Variants in ATP10A observed in about 807,000 individuals in gnomAD.
ATP10A encodes the protein phospholipid-transporting ATPase VA.
Under a neutral mutation model 147.8 loss-of-function variants are expected in ATP10A, and 111 were observed. The observed-to-expected ratio is 0.75, with a 90% confidence interval of 0.64 to 0.88. The LOEUF (loss-of-function observed/expected upper bound fraction) is 0.88. Ranked by LOEUF, ATP10A falls within the 40% of genes least tolerant of loss-of-function variation. The probability of loss-of-function intolerance (pLI) is 0.00; values close to 1 mark genes in which losing one functional copy is unlikely to be tolerated. For missense variants in ATP10A, 1,927 were observed against 1,959.0 expected, an observed-to-expected ratio of 0.98 and a Z score of 0.31; for synonymous variants, 875 against 841.6, an observed-to-expected ratio of 1.04 and a Z score of -0.69.
At chr15:25,681,380 A>G (rs1361501570) in intron 17 of ATP10A, among the ~76,000 whole-genome samples, 1 of 152,216 alleles carries the variant, frequency 6.6e-6, no homozygotes, top group African/African-American at 2.4e-5. Context: ...GAGCATCTCA[A>G]AACGATCATG....
chr15:25,721,667 A>G lies in ATP10A; in HGVS notation c.1353T>C (p.His451=), dbSNP rs758003589. 15 of 1,612,388 alleles carry G rather than the reference A, an allele frequency of 9.3e-6. No homozygotes were observed. The Middle Eastern group carries it at 1.2e-3, about 124-fold the overall frequency. Residue 451 remains histidine, a synonymous_variant, in exon 7 of 21, where the codon CAT becomes CAC. Transcript: ENST00000555815. The part of the protein sequence containing the change: ...RCTVSGVEYS[H]DANAQRLARY... ...CACCCCCAGACTCACCATTTGCATC[A>G]TGAGAATATTCTACACCAGACACAG...
chr15:25,714,362 G>GGAAGC, intron 9 of ATP10A, 121 bp from the exon 10 acceptor site: 1 of 844,090 alleles, frequency 1.2e-6, no homozygotes, highest in Non-Finnish European at 1.8e-6. Context: ...TCCCCACTGG[G>GGAAGC]GTCTCAGAGC....
intron 1 of ATP10A, among the ~76,000 whole-genome samples, chr15:25,844,146 T>C (rs546936409): frequency 1.3e-5 from 2 of 152,340 alleles, no homozygotes; most frequent in South Asian, 4.1e-4. Context: ...ACCTCTGTCA[T>C]ACACTTTGCT....
rs148020857 is a variant in ATP10A, at chr15:25,691,140, A to G, written c.3165+575T>C. 2.4e-4 allele frequency among the ~76,000 whole-genome samples: 37 copies of G among 152,346 alleles called. No homozygotes were observed. In the East Asian group the frequency reaches 6.6e-3, roughly 27 times the overall value. On this transcript the variant is annotated intron_variant, in intron 15 of 20. Coordinates refer to ENST00000555815, the MANE Select transcript of ATP10A (RefSeq NM_024490.4). ...TCTCCACCAACCCAAAAATGTTGTG[A>G]TTCATACTTAATCAAATGTTGGAAA...
chr15:25,722,703 A>G (rs1201199467), intron 6 of ATP10A, among the ~76,000 whole-genome samples: 2 of 152,202 alleles, frequency 1.3e-5, no homozygotes, highest in African/African-American at 4.8e-5. Flanking sequence ...GTTAAATAAG[A>G]CTGTTTCCTG....
intron 1 of ATP10A, among the ~76,000 whole-genome samples, chr15:25,825,115 G>T (rs1055610986): frequency 1.6e-4 from 24 of 152,328 alleles, no homozygotes; most frequent in South Asian, 4.1e-4. Flanking sequence ...ACTATCATTA[G>T]TTGACCAGGC....
At chr15:25,691,669 TCA>T (rs1900043236) in intron 15 of ATP10A, 44 bp downstream of exon 15, 2 of 1,595,466 alleles carry the variant, frequency 1.3e-6, no homozygotes, top group Non-Finnish European at 1.7e-6. Flanking sequence ...GGACAAGAGG[TCA>T]GTAGGGCCAA....
chr15:25,772,765 C>T lies in ATP10A; in HGVS notation c.654+8254G>A, dbSNP rs1230767500. ...GGCATGCACCCAATCCCCCACTCTC[C>T]GGAACCCCAGGGAAGACAGCGTGGC... On this transcript the variant is annotated intron_variant, in intron 2 of 20. Coordinates refer to ENST00000555815, the MANE Select transcript of ATP10A (RefSeq NM_024490.4). 3.3e-5 allele frequency among the ~76,000 whole-genome samples: 5 copies of T among 152,274 alleles called. No homozygotes were observed. In the South Asian group the frequency reaches 6.2e-4, roughly 19 times the overall value.
chr15:25,749,345 A>G lies in ATP10A; in HGVS notation c.655-13204T>C, dbSNP rs375617965. 3.0e-4 allele frequency among the ~76,000 whole-genome samples: 45 copies of G among 152,322 alleles called. No individual in the cohort carries two copies. In the East Asian group the frequency reaches 6.2e-3, roughly 21 times the overall value. ...TTAAAGATGGTGCAAATAAGAGAGAAATAGAGGGAACTGTGTTCTGTGTTA... is the reference window on the plus strand; with the variant it reads ...TTAAAGATGGTGCAAATAAGAGAGAGATAGAGGGAACTGTGTTCTGTGTTA... On this transcript the variant is annotated intron_variant, in intron 2 of 20. Transcript: ENST00000555815.
At chr15:25,736,663 C>T (rs1164212329) in intron 2 of ATP10A, among the ~76,000 whole-genome samples, 7 of 151,940 alleles carry the variant, frequency 4.6e-5, no homozygotes, top group African/African-American at 1.7e-4. Context: ...AAAAAAAAAC[C>T]CTGACAACTC....
At chr15:25,777,774 C>T (rs1158807850) in intron 2 of ATP10A, among the ~76,000 whole-genome samples, 6 of 66,594 alleles carry the variant, frequency 9.0e-5, no homozygotes, top group East Asian at 7.4e-4. Context: ...AATTTTTTTT[C>T]TTTCTTTCTT....
rs1427773925 is a variant in ATP10A, at chr15:25,730,017, GCGGTGGCTCA to G, written c.741-2761_741-2752del. Among the ~76,000 whole-genome samples the G allele has an allele frequency of 4.6e-5, 7 of 152,080 alleles. No individual in the cohort carries two copies. The South Asian group carries it at 1.2e-3, about 27-fold the overall frequency. ...AGAAAAGACAGGGAGTAGGCTGGGC[GCGGTGGCTCA>G]CACCTGTAATCCCAGCACTTTGGGA... is the stretch of plus-strand genomic sequence containing the variant. On this transcript the variant is annotated intron_variant, in intron 3 of 20. Coordinates refer to ENST00000555815, the MANE Select transcript of ATP10A (RefSeq NM_024490.4).
At chr15:25,683,562 C>T in intron 16 of ATP10A, 76 bp from the exon 17 acceptor site, 1 of 1,367,428 alleles carries the variant, frequency 7.3e-7, no homozygotes, top group South Asian at 1.3e-5. Flanking sequence ...AGGGAGCTGA[C>T]AGGCCTGCAG....
intron 1 of ATP10A, among the ~76,000 whole-genome samples, chr15:25,809,276 G>A (rs1891328496): frequency 6.6e-6 from 1 of 152,128 alleles, no homozygotes; most frequent in Non-Finnish European, 1.5e-5. Context: ...ATGGGAGAGA[G>A]GAGCATACGT....
chr15:25,679,618 C>G lies in ATP10A; in HGVS notation c.4223G>C (p.Gly1408Ala). 6.2e-7 allele frequency: 1 copy of G among 1,612,236 alleles called. No homozygotes were observed. Among genetic ancestry groups the G allele is most frequent in the Non-Finnish European group, 8.5e-7 (1 of 1,179,102 alleles). ...TCTCACCTTGGACTCCTCAGGACAC[C>G]CTCCTGGACTCCTCAGGACAGCCTC... ...PGEAVLRSPGGCPEESKVRAA... is the reference protein window; with the variant it reads ...PGEAVLRSPGACPEESKVRAA... Residue 1408 changes from glycine to alanine, a missense_variant, in exon 21 of 21, where the codon GGG (glycine) becomes GCG (alanine). Transcript: ENST00000555815.
intron 1 of ATP10A, among the ~76,000 whole-genome samples, chr15:25,800,519 C>T (rs577698112): frequency 3.9e-5 from 6 of 152,322 alleles, no homozygotes; most frequent in South Asian, 4.1e-4. Flanking sequence ...GAGCTGACCA[C>T]GCTCCTTCAC....
chr15:25,765,177 C>T (rs918137288), intron 2 of ATP10A, among the ~76,000 whole-genome samples: 10 of 152,006 alleles, frequency 6.6e-5, no homozygotes, highest in African/African-American at 1.7e-4. Context: ...GGGGGCGGGG[C>T]GGGGGTGTTG....
At chr15:25,791,138 T>C (rs1890405371) in intron 1 of ATP10A, among the ~76,000 whole-genome samples, 1 of 150,520 alleles carries the variant, frequency 6.6e-6, no homozygotes, top group Admixed American at 6.7e-5. Context: ...TGGAGTGCAG[T>C]GGCACGATCT....
chr15:25,744,065 A>G (rs1887709065), intron 2 of ATP10A, among the ~76,000 whole-genome samples: 1 of 152,166 alleles, frequency 6.6e-6, no homozygotes, highest in Non-Finnish European at 1.5e-5. Context: ...ATAAACACCT[A>G]TGCTTTCTAA....
Sources: gnomAD v4.1 joint callset for allele counts (sites outside exome capture counted in the v4.1 genomes callset) on GRCh38, gnomAD v4.1.1 for gene constraint, MANE v1.5 for transcripts, NCBI Gene and HGNC (gene_info 2026-07-23, HGNC 2026-07-21) for gene names.